JCAD: variants seen among roughly 807,000 people sequenced by gnomAD.
The protein encoded by JCAD is junctional cadherin 5-associated protein.
A neutral mutation model predicts 98.0 loss-of-function variants in JCAD; 40 were observed. The ratio of observed to expected loss-of-function variants is 0.41; its 90% CI spans 0.32 to 0.53. JCAD has a LOEUF of 0.53. Ranked by LOEUF, JCAD falls within the 20% of genes least tolerant of loss-of-function variation. JCAD has a pLI of 0.31. For missense variants in JCAD, 1,705 were observed against 1,738.1 expected, an observed-to-expected ratio of 0.98 and a Z score of 0.34; for synonymous variants, 691 against 682.3, an observed-to-expected ratio of 1.01 and a Z score of -0.20.
intron 1 of JCAD, among the ~76,000 whole-genome samples, chr10:30,074,496 A>G (rs981118513): frequency 2.0e-5 from 3 of 152,176 alleles, no homozygotes; most frequent in Admixed American, 2.0e-4. Context: ...CTAAACACAC[A>G]ATGACGACTT....
At chr10:30,050,130 C>T (rs141101379) in intron 1 of JCAD, among the ~76,000 whole-genome samples, 152 of 151,712 alleles carry the variant, frequency 1.0e-3, no homozygotes, top group African/African-American at 3.5e-3. Context: ...GCTTGGCCAA[C>T]ATGGTGAGAG....
chr10:30,110,759 C>A (rs2132720813), intron 1 of JCAD, among the ~76,000 whole-genome samples: 1 of 152,080 alleles, frequency 6.6e-6, no homozygotes, highest in Non-Finnish European at 1.5e-5. Context: ...TGATGAGTGA[C>A]CCACCAATAT....
chr10:30,108,324 A>G (rs79894016), intron 1 of JCAD, among the ~76,000 whole-genome samples: 3 of 151,914 alleles, frequency 2.0e-5, no homozygotes, highest in Non-Finnish European at 4.4e-5. Context: ...AAAAAAAAAA[A>G]AAGAGTGATG....
chr10:30,060,182 T>C (rs1255363854), upstream of JCAD, among the ~76,000 whole-genome samples: 1 of 152,020 alleles, frequency 6.6e-6, no homozygotes, highest in African/African-American at 2.4e-5. Flanking sequence ...AAAACAGTGA[T>C]GGTGACAACA....
At chr10:30,051,301 C>CACACACACAT in intron 1 of JCAD, among the ~76,000 whole-genome samples, 1 of 151,974 alleles carries the variant, frequency 6.6e-6, no homozygotes, top group South Asian at 2.1e-4. Context: ...CACACACACA[C>CACACACACAT]ACACACAAGA....
upstream of JCAD, among the ~76,000 whole-genome samples, chr10:30,062,789 C>T (rs374032458): frequency 3.3e-5 from 5 of 152,284 alleles, no homozygotes; most frequent in South Asian, 2.1e-4. Context: ...GAAAAACCCG[C>T]GTCCATGATT....
intron 1 of JCAD, among the ~76,000 whole-genome samples, chr10:30,112,965 G>A (rs1287132503): frequency 6.6e-6 from 1 of 151,970 alleles, no homozygotes; most frequent in Non-Finnish European, 1.5e-5. Context: ...ACTGCTTAAT[G>A]GGCAGAGGGT....
Position 30,026,676 on chromosome 10 carries a change from G to T in JCAD, c.3472C>A (p.Leu1158Ile). The T allele has an allele frequency of 6.2e-7, 1 of 1,613,508 alleles. No homozygotes were observed. The highest frequency in any genetic ancestry group is 1.1e-5 in the South Asian group (1 of 91,068). ...GCACTGTCCCTGTCCCCTACAAAGAGAGGGCTCTTGGTCCAGCCGCACTTC... is the reference window on the plus strand; with the variant it reads ...GCACTGTCCCTGTCCCCTACAAAGATAGGGCTCTTGGTCCAGCCGCACTTC... The part of the protein sequence containing the change: ...RRKCGWTKSP[L>I]FVGDRDSARR... Residue 1158 changes from leucine to isoleucine, a missense_variant, in exon 3 of 4, where the codon CTC becomes ATC. Transcript: ENST00000375377.
intron 1 of JCAD, among the ~76,000 whole-genome samples, chr10:30,073,252 C>T (rs1837926137): frequency 6.6e-6 from 1 of 152,216 alleles, no homozygotes. Flanking sequence ...CAAATGACGT[C>T]ATGTCTCTGA....
chr10:30,100,610 C>T (rs1022787659), intron 1 of JCAD, among the ~76,000 whole-genome samples: 5 of 152,144 alleles, frequency 3.3e-5, no homozygotes, highest in Non-Finnish European at 5.9e-5. Flanking sequence ...TCTCGAACTC[C>T]GAACCTCAGG....
intron 3 of JCAD, among the ~76,000 whole-genome samples, chr10:30,022,032 G>A (rs1836669959): frequency 1.3e-5 from 2 of 152,166 alleles, no homozygotes; most frequent in Non-Finnish European, 2.9e-5. Flanking sequence ...AACAGAGGAT[G>A]ATGGAACCAG....
At chr10:30,022,536 T>C (rs181014204) in intron 3 of JCAD, among the ~76,000 whole-genome samples, 1 of 152,280 alleles carries the variant, frequency 6.6e-6, no homozygotes, top group East Asian at 1.9e-4. Flanking sequence ...TGGACATACG[T>C]CAAAAGTATT....
intron 1 of JCAD, among the ~76,000 whole-genome samples, chr10:30,076,903 G>A (rs1223586442): frequency 1.3e-5 from 2 of 152,078 alleles, no homozygotes. Flanking sequence ...TCAGGCCCAC[G>A]TTTTGCTCAT....
intron 1 of JCAD, among the ~76,000 whole-genome samples, chr10:30,083,856 A>G (rs1235672233): frequency 6.6e-6 from 1 of 152,148 alleles, no homozygotes; most frequent in Non-Finnish European, 1.5e-5. Context: ...GTGAGACGCC[A>G]TCTTTACAAA....
At chr10:30,107,651 A>G (rs1456524516) in intron 1 of JCAD, among the ~76,000 whole-genome samples, 4 of 152,200 alleles carry the variant, frequency 2.6e-5, no homozygotes, top group East Asian at 3.9e-4. Context: ...TCTTTAATAA[A>G]CTTGCTTTCA....
intron 3 of JCAD, among the ~76,000 whole-genome samples, chr10:30,020,312 G>A (rs1353955818): frequency 1.9e-4 from 24 of 129,002 alleles, no homozygotes; most frequent in African/African-American, 7.1e-4. Flanking sequence ...GGGCAACAGA[G>A]TGAGACTCGG....
chr10:30,016,746 T>C lies in JCAD; in HGVS notation c.*1137A>G, dbSNP rs1371009815. The C allele has an allele frequency of 2.6e-5, 4 of 152,206 alleles. No homozygotes were observed. The highest frequency in any genetic ancestry group is 5.9e-5 in the Non-Finnish European group (4 of 68,026). The allele number at this position is 152,206 out of a possible 1,614,324, so 9.4% of individuals were successfully genotyped here. ...ATAAAACTATGTTTTTTGGTAATTCTAGTTGATACGGCAGCAAAAATTGTC... is the reference window on the plus strand; with the variant it reads ...ATAAAACTATGTTTTTTGGTAATTCCAGTTGATACGGCAGCAAAAATTGTC... On this transcript the variant is annotated 3_prime_UTR_variant, in exon 4 of 4. Transcript: ENST00000375377.
Position 30,028,417 on chromosome 10 carries a change from C to A in JCAD, c.1731G>T (p.Glu577Asp). Residue 577 changes from glutamate (E) to aspartate (D), a missense_variant, in exon 3 of 4, where the codon GAG (glutamate) becomes GAT (aspartate). Transcript: ENST00000375377. ...GGATAGAAACCAAGCAAAATATAGT[C>A]TCGTTCATTTTTTTCTTTGAACTTT... ...TKKSSKKKMN[E>D]TIFCLVSIPV... The A allele has an allele frequency of 6.2e-7, 1 of 1,614,178 alleles. No individual in the cohort carries two copies. The highest frequency in any genetic ancestry group is 8.5e-7 in the Non-Finnish European group (1 of 1,180,048).
chr10:30,113,093 AAATT>A (rs1270813073), intron 1 of JCAD, among the ~76,000 whole-genome samples: 1 of 152,186 alleles, frequency 6.6e-6, no homozygotes, highest in African/African-American at 2.4e-5. Context: ...TTAAAATGGT[AAATT>A]ATATATTATA....
Sources: gnomAD v4.1 joint callset for allele counts (sites outside exome capture counted in the v4.1 genomes callset) on GRCh38, gnomAD v4.1.1 for gene constraint, MANE v1.5 for transcripts, NCBI Gene and HGNC (gene_info 2026-07-23, HGNC 2026-07-21) for gene names.